The following TIAM1 variants were observed in gnomAD, a reference collection of about 807,000 sequenced individuals.
The protein encoded by TIAM1 is rho guanine nucleotide exchange factor TIAM1.
TIAM1 carries 65 observed loss-of-function variants against 163.5 expected under a neutral mutation model. That is an observed-to-expected ratio of 0.40 (90% CI 0.33 to 0.49). TIAM1 has a LOEUF of 0.49. TIAM1 is among the 20% of genes least tolerant of loss of function. TIAM1 has a pLI of 0.77. For missense variants in TIAM1, 1,789 were observed against 2,044.7 expected, an observed-to-expected ratio of 0.87 and a Z score of 2.41; for synonymous variants, 833 against 810.1, an observed-to-expected ratio of 1.03 and a Z score of -0.48.
intron 11 of TIAM1, among the ~76,000 whole-genome samples, chr21:31,209,504 T>C (rs2086617294): frequency 6.6e-6 from 1 of 152,230 alleles, no homozygotes; most frequent in African/African-American, 2.4e-5. Flanking sequence ...AAAAGAAGAA[T>C]TTCCCATCAA....
intron 2 of TIAM1, among the ~76,000 whole-genome samples, chr21:31,381,676 C>G (rs2076781327): frequency 1.3e-5 from 2 of 151,704 alleles, no homozygotes; most frequent in Non-Finnish European, 2.9e-5. Flanking sequence ...TCAAAGAAAA[C>G]AAAAAAATAG....
chr21:31,530,353 AAGAGGCCTGAACACTGTCC>A lies in TIAM1; in HGVS notation c.-422+28555_-422+28573del, dbSNP rs539670308. ...GGCTGAGACATTCAGCAACTTGGCC[AAGAGGCCTGAACACTGTCC>A]AGAGGCCTGAACAGTGATGGAATTC... On this transcript the variant is annotated intron_variant, in intron 1 of 28. Transcript: ENST00000286827. Among the ~76,000 whole-genome samples the A allele has an allele frequency of 3.1e-4, 47 of 152,360 alleles. No homozygotes were observed. The East Asian group carries it at 7.9e-3, about 26-fold the overall frequency.
At chr21:31,476,959 G>A (rs2045952684) in intron 1 of TIAM1, among the ~76,000 whole-genome samples, 1 of 152,178 alleles carries the variant, frequency 6.6e-6, no homozygotes, top group African/African-American at 2.4e-5. Flanking sequence ...AGCTAGTGAG[G>A]CAACAACCAA....
chr21:31,361,149 G>A (rs1026158063), intron 2 of TIAM1, among the ~76,000 whole-genome samples: 93 of 152,160 alleles, frequency 6.1e-4, no homozygotes, highest in Non-Finnish European at 1.8e-4. Context: ...GGATTATGAA[G>A]TTATAGCCTA....
chr21:31,395,640 G>C lies in TIAM1; in HGVS notation c.-368-56218C>G, dbSNP rs189078955. ...TAAATGAACTTACACAGAGGGCATG[G>C]GGGTAGTAAAAGGTGCTGGACGAGA... On this transcript the variant is annotated intron_variant, in intron 2 of 28. Transcript: ENST00000286827. This position sits in a 1 kb window ranked among gnomAD's most constrained non-coding sequence, Gnocchi z 7.5. Among the ~76,000 whole-genome samples the C allele has an allele frequency of 4.4e-3, 667 of 152,316 alleles. 15 individuals carry two copies. Among genetic ancestry groups the C allele is most frequent in the Non-Finnish European group, 7.5e-3 (510 of 68,026 alleles).
At chr21:31,491,980 A>G (rs529233285) in intron 1 of TIAM1, among the ~76,000 whole-genome samples, 30 of 152,352 alleles carry the variant, frequency 2.0e-4, no homozygotes, top group East Asian at 7.7e-4. Context: ...ATGTGCCTGC[A>G]AGGTTATTCT....
intron 1 of TIAM1, among the ~76,000 whole-genome samples, chr21:31,487,522 C>T (rs1208322026): frequency 6.6e-6 from 1 of 151,208 alleles, no homozygotes; most frequent in African/African-American, 2.4e-5. Context: ...AGGTGGCCGC[C>T]ACCATGCCCA....
chr21:31,247,664 G>A (rs1417064051), intron 5 of TIAM1, among the ~76,000 whole-genome samples: 2 of 152,088 alleles, frequency 1.3e-5, no homozygotes, highest in Non-Finnish European at 2.9e-5. Flanking sequence ...CTATAGTGCT[G>A]GGATTACAGG....
chr21:31,144,268 T>C (rs1181382290), intron 20 of TIAM1, among the ~76,000 whole-genome samples: 1 of 152,174 alleles, frequency 6.6e-6, no homozygotes, highest in Admixed American at 6.5e-5. Context: ...CTGATGGATT[T>C]TGTGGGGCAT....
chr21:31,164,933 C>A, intron 16 of TIAM1, 29 bp downstream of exon 16: 2 of 1,606,698 alleles, frequency 1.2e-6, no homozygotes, highest in Non-Finnish European at 8.5e-7. Context: ...TGGTTCAAAG[C>A]ATGGGATGTG....
At chr21:31,129,436 T>C (rs961192535) in intron 25 of TIAM1, among the ~76,000 whole-genome samples, 3 of 152,240 alleles carry the variant, frequency 2.0e-5, no homozygotes, top group Non-Finnish European at 2.9e-5. Flanking sequence ...CCCAACACTT[T>C]GGGAGGCCAA....
At chr21:31,189,044 C>CTTTTTTTTTTT (rs58786753) in intron 13 of TIAM1, among the ~76,000 whole-genome samples, 5 of 70,086 alleles carry the variant, frequency 7.1e-5, no homozygotes, top group African/African-American at 1.1e-4. Context: ...TCCATTCCCT[C>CTTTTTTTTTTT]TTTTTTTTTT....
Position 31,336,184 on chromosome 21 carries a change from C to T in TIAM1, c.-189+3059G>A, listed in dbSNP as rs201256444. ...CGGCCGGCCATCAGCTAAGACTCAG[C>T]GCACTGACTCTGCTGGGACATATTT... On this transcript the variant is annotated intron_variant, in intron 2 of 27. Coordinates refer to ENST00000541036, the MANE Select transcript of TIAM1 (RefSeq NM_001353694.2). Among the ~76,000 whole-genome samples the T allele has an allele frequency of 8.5e-5, 13 of 152,320 alleles. No homozygotes were observed. The East Asian group carries it at 1.3e-3, about 16-fold the overall frequency.
chr21:31,271,665 T>G (rs1232832159), intron 3 of TIAM1, among the ~76,000 whole-genome samples: 1 of 141,576 alleles, frequency 7.1e-6, no homozygotes, highest in Non-Finnish European at 1.5e-5. Flanking sequence ...GGAGCTGCAG[T>G]GCAGAGGTTC....
At chr21:31,161,927 T>G (rs1042212667) in intron 16 of TIAM1, among the ~76,000 whole-genome samples, 1 of 152,218 alleles carries the variant, frequency 6.6e-6, no homozygotes, top group African/African-American at 2.4e-5. Flanking sequence ...GCTCTTACTT[T>G]AAATCATAAA....
rs79571207 is a variant in TIAM1 at position 31,329,044 on chromosome 21, T to C, written c.-189+10199A>G. Among the ~76,000 whole-genome samples, 1,273 of 152,310 alleles carry C rather than the reference T, an allele frequency of 8.4e-3. 10 individuals are homozygous for C. Among genetic ancestry groups the C allele is most frequent in the African/African-American group, 0.028 (1,174 of 41,566 alleles). Reference sequence around the variant, plus strand: ...AGGTATCCGGAGATGATTTCAAATGTGTGGAAGGATGTGCCTAAATTATAT... The same window carrying C: ...AGGTATCCGGAGATGATTTCAAATGCGTGGAAGGATGTGCCTAAATTATAT... On this transcript the variant is annotated intron_variant, in intron 2 of 27. Coordinates refer to ENST00000541036, the MANE Select transcript of TIAM1 (RefSeq NM_001353694.2).
intron 2 of TIAM1, among the ~76,000 whole-genome samples, chr21:31,446,233 G>A (rs1418050690): frequency 6.6e-6 from 1 of 151,790 alleles, no homozygotes; most frequent in African/African-American, 2.4e-5. Flanking sequence ...GAGCCACCTC[G>A]CCCTGCCACT....
chr21:31,403,482 C>T (rs1257620831), intron 2 of TIAM1, among the ~76,000 whole-genome samples: 3 of 152,072 alleles, frequency 2.0e-5, no homozygotes, highest in Admixed American at 2.0e-4. Context: ...TTCCATAGTA[C>T]AGAGAAAACA....
At chr21:31,336,632 A>T (rs1447439047) in intron 2 of TIAM1, among the ~76,000 whole-genome samples, 2 of 152,008 alleles carry the variant, frequency 1.3e-5, no homozygotes, top group African/African-American at 2.4e-5. Context: ...ACTGTGGCAC[A>T]TGAGGCACAG....
Sources: allele counts gnomAD v4.1 joint callset (sites outside exome capture counted in the v4.1 genomes callset), GRCh38; gene constraint gnomAD v4.1.1; non-coding constraint Gnocchi (gnomAD v3.1); transcripts MANE v1.5; gene names NCBI Gene and HGNC (gene_info 2026-07-23, HGNC 2026-07-21).